EPC1: variants seen among roughly 807,000 people sequenced by gnomAD.
The protein encoded by EPC1 is enhancer of polycomb 1.
EPC1 carries 12 observed loss-of-function variants against 98.4 expected under a neutral mutation model. The observed-to-expected ratio is 0.12, with a 90% confidence interval of 0.08 to 0.20. The LOEUF is 0.20. Ranked by LOEUF, EPC1 falls within the 10% of genes least tolerant of loss-of-function variation. The pLI is 1.00. For synonymous variants in EPC1, 357 were observed against 363.9 expected, an observed-to-expected ratio of 0.98 and a Z score of 0.21; for missense variants, 729 against 990.5, an observed-to-expected ratio of 0.74 and a Z score of 3.54.
chr10:32,310,301 ATTAT>A lies in EPC1; in HGVS notation c.154-4374_154-4371del, dbSNP rs1209901960. The stretch of plus-strand genomic sequence containing the variant: ...TCTATGACTTTGGGACTTGGGATAA[ATTAT>A]TTATTCTTTTCCAGCAAGAGTTTTA... On this transcript the variant is annotated intron_variant, in intron 1 of 13. Transcript: ENST00000319778. Among the ~76,000 whole-genome samples the A allele has an allele frequency of 2.6e-5, 4 of 152,132 alleles. No individual in the cohort carries two copies. In the East Asian group the frequency reaches 5.8e-4, roughly 22 times the overall value.
chr10:32,328,866 T>C (rs35814196), intron 1 of EPC1, among the ~76,000 whole-genome samples: 16,278 of 152,236 alleles, frequency 0.11, 958 homozygotes, highest in Admixed American at 0.13. Flanking sequence ...AGGAAGGTGG[T>C]TGCAGGTAAC....
intron 2 of EPC1, among the ~76,000 whole-genome samples, chr10:32,295,807 T>TATTA (rs1292453677): frequency 1.3e-5 from 2 of 152,184 alleles, no homozygotes; most frequent in African/African-American, 4.8e-5. Flanking sequence ...GCTAGTGTTG[T>TATTA]ATTAGCACAG....
rs750277035 is a variant in EPC1 at position 32,284,797 on chromosome 10, A to G, written c.1645T>C (p.Leu549=). 6.2e-7 allele frequency: 1 copy of G among 1,614,102 alleles called. No homozygotes were observed. Among genetic ancestry groups the G allele is most frequent in the Non-Finnish European group, 8.5e-7 (1 of 1,180,034 alleles). ...CCTGTTCGGTTTATACTCCTATATA[A>G]TTTTCTACAGGAGAGTTCATCATTG... The part of the protein sequence containing the change: ...SDNDELSCRK[L]YRSINRTGTA... The change falls in exon 10 of 14, where the codon TTA becomes CTA. Residue 549 remains leucine (L), a synonymous_variant. Coordinates refer to ENST00000319778, the MANE Select transcript of EPC1 (RefSeq NM_001272004.3).
At position 32,346,877 on chromosome 10, in the gene EPC1, G is replaced by A. The variant is rs752122626; in HGVS notation, c.39C>T (p.Ala13=). ...KLSFRARALD[A]SKPLPVFRCE... ...AGCGGAAAACCGGCAGCGGCTTCGA[G>A]GCGTCTAGCGCCCGCGCCCGAAACG... Residue 13 remains alanine, a synonymous_variant, in exon 1 of 14, where the codon GCC becomes GCT. Transcript: ENST00000319778. 1 of 1,614,122 alleles carries A rather than the reference G, an allele frequency of 6.2e-7. No individual in the cohort carries two copies. Among genetic ancestry groups the A allele is most frequent in the South Asian group, 1.1e-5 (1 of 91,090 alleles).
At position 32,278,371 on chromosome 10, in the gene EPC1, G is replaced by GTTTTTTTTT. The variant is rs58729377; in HGVS notation, c.1745-5099_1745-5091dup. Among the ~76,000 whole-genome samples the GTTTTTTTTT allele has an allele frequency of 4.5e-3, 463 of 102,552 alleles. 6 individuals are homozygous for GTTTTTTTTT. The highest frequency in any genetic ancestry group is 6.8e-3 in the Non-Finnish European group (359 of 52,676). The allele number at this position is 102,552 out of a possible 152,430, so 67.3% of individuals were successfully genotyped here. On this transcript the variant is annotated intron_variant, in intron 10 of 13. Coordinates refer to ENST00000319778, the MANE Select transcript of EPC1 (RefSeq NM_001272004.3). ...AAAATGTATACTTTGGTTTTTTTTT[G>GTTTTTTTTT]TTTTTTTTTTTTTGTTTTTTTTTTT...
intron 1 of EPC1, among the ~76,000 whole-genome samples, chr10:32,339,407 T>C (rs1838186804): frequency 6.6e-6 from 1 of 152,114 alleles, no homozygotes; most frequent in Non-Finnish European, 1.5e-5. Context: ...TAGCTGGGCA[T>C]GGTGGCACAC....
chr10:32,284,969 ATGTTGTGGT>A lies in EPC1; in HGVS notation c.1464_1472del (p.Pro489_His491del). 1 of 1,614,216 alleles carries A rather than the reference ATGTTGTGGT, an allele frequency of 6.2e-7. No homozygotes were observed. The highest frequency in any genetic ancestry group is 8.5e-7 in the Non-Finnish European group (1 of 1,180,038). On this transcript the variant is annotated inframe_deletion, in exon 10 of 14. Coordinates refer to ENST00000319778, the MANE Select transcript of EPC1 (RefSeq NM_001272004.3). ...TATTGGCAAACTGATTGACTGGAGA[ATGTTGTGGT>A]GAGGAAAGCATTTCCAAATCCAGAT...
chr10:32,324,358 C>T (rs1411900601), intron 1 of EPC1, among the ~76,000 whole-genome samples: 1 of 151,126 alleles, frequency 6.6e-6, no homozygotes, highest in Non-Finnish European at 1.5e-5. Flanking sequence ...GAGTTCCAGA[C>T]CAGCCTGGCC....
intron 13 of EPC1, among the ~76,000 whole-genome samples, chr10:32,270,469 A>C (rs1835784101): frequency 6.6e-6 from 1 of 152,174 alleles, no homozygotes; most frequent in Non-Finnish European, 1.5e-5. Context: ...AAGTTAGCAC[A>C]AAAAATAATG....
At chr10:32,285,204 T>G in intron 9 of EPC1, 154 bp from the exon 10 acceptor site, 1 of 573,238 alleles carries the variant, frequency 1.7e-6, no homozygotes. Context: ...TTGGTTTTTA[T>G]AGGCTACAAC....
At chr10:32,323,737 C>T (rs1837081955) in intron 1 of EPC1, among the ~76,000 whole-genome samples, 1 of 152,090 alleles carries the variant, frequency 6.6e-6, no homozygotes, top group South Asian at 2.1e-4. Context: ...TTAGCATGGT[C>T]CCTAGCATAC....
In EPC1 at chr10:32,346,874, C is replaced by T. The variant is rs766870996; in HGVS notation, c.42G>A (p.Ser14=). The T allele has an allele frequency of 3.1e-6, 5 of 1,614,038 alleles. No homozygotes were observed. Among genetic ancestry groups the T allele is most frequent in the East Asian group, 2.2e-5 (1 of 44,880 alleles). ...LSFRARALDA[S]KPLPVFRCED... is the part of the protein sequence containing the mutation. ...CACAGCGGAAAACCGGCAGCGGCTT[C>T]GAGGCGTCTAGCGCCCGCGCCCGAA... Residue 14 remains serine, a synonymous_variant, in exon 1 of 14, where the codon TCG becomes TCA. Coordinates refer to ENST00000319778, the MANE Select transcript of EPC1 (RefSeq NM_001272004.3).
intron 1 of EPC1, among the ~76,000 whole-genome samples, chr10:32,353,045 C>T (rs767756167): frequency 1.6e-4 from 24 of 151,834 alleles, no homozygotes; most frequent in Non-Finnish European, 2.9e-4. Context: ...ATCCCAGCTA[C>T]TCAGGAGGCT....
intron 2 of EPC1, among the ~76,000 whole-genome samples, chr10:32,295,273 C>T (rs1367054604): frequency 1.3e-5 from 2 of 152,132 alleles, no homozygotes; most frequent in Non-Finnish European, 2.9e-5. Flanking sequence ...AACCTCCAAA[C>T]CCAGTCAGAC....
At chr10:32,312,190 CAG>C (rs1442831444) in intron 1 of EPC1, among the ~76,000 whole-genome samples, 1 of 152,168 alleles carries the variant, frequency 6.6e-6, no homozygotes, top group East Asian at 1.9e-4. Context: ...CCAGATCATG[CAG>C]AGTCTTAGGG....
chr10:32,276,694 G>T (rs1592534828), intron 10 of EPC1, among the ~76,000 whole-genome samples: 1 of 152,164 alleles, frequency 6.6e-6, no homozygotes, highest in Non-Finnish European at 1.5e-5. Flanking sequence ...ATGGGCAAAA[G>T]AAATCTGAAC....
chr10:32,372,795 T>G (rs943843938), intron 1 of EPC1, among the ~76,000 whole-genome samples: 1 of 152,012 alleles, frequency 6.6e-6, no homozygotes, highest in Non-Finnish European at 1.5e-5. Flanking sequence ...CCGAGGCGGG[T>G]GGATCACCTG....
At chr10:32,335,298 A>G (rs1837889292) in intron 1 of EPC1, among the ~76,000 whole-genome samples, 1 of 152,106 alleles carries the variant, frequency 6.6e-6, no homozygotes, top group East Asian at 1.9e-4. Context: ...AGTGTCTCCT[A>G]ATCTGTCCCA....
chr10:32,280,196 T>C lies in EPC1; in HGVS notation c.1744+4502A>G, dbSNP rs557179238. On this transcript the variant is annotated intron_variant, in intron 10 of 13. Transcript: ENST00000319778. The stretch of plus-strand genomic sequence containing the variant: ...TTCATTTAGAATTTCCTATTTAACT[T>C]AGCCTCCCAGCACTTTGGGAGGCTA... Among the ~76,000 whole-genome samples, 8 of 152,346 alleles carry C rather than the reference T, an allele frequency of 5.3e-5. No individual in the cohort carries two copies. In the South Asian group the frequency reaches 1.4e-3, roughly 28 times the overall value.
Sources: allele counts gnomAD v4.1 joint callset (sites outside exome capture counted in the v4.1 genomes callset), GRCh38; gene constraint gnomAD v4.1.1; transcripts MANE v1.5; gene names NCBI Gene and HGNC (gene_info 2026-07-23, HGNC 2026-07-21).